The following DLG2 variants were observed in gnomAD, a reference collection of about 807,000 sequenced individuals.
The protein encoded by DLG2 is disks large homolog 2.
DLG2 carries 45 observed loss-of-function variants against 132.5 expected under a neutral mutation model. The ratio of observed to expected loss-of-function variants is 0.34; its 90% CI spans 0.27 to 0.44. The LOEUF (loss-of-function observed/expected upper bound fraction) is 0.44, where lower values mean the gene tolerates loss of function less well. Ranked by LOEUF, DLG2 falls within the 20% of genes least tolerant of loss-of-function variation. The probability of loss-of-function intolerance (pLI) is 1.00; values close to 1 mark genes in which losing one functional copy is unlikely to be tolerated. For missense variants in DLG2, 1,045 were observed against 1,196.9 expected, an observed-to-expected ratio of 0.87 and a Z score of 1.87; for synonymous variants, 424 against 419.6, an observed-to-expected ratio of 1.01 and a Z score of -0.13.
intron 3 of DLG2, among the ~76,000 whole-genome samples, chr11:85,288,750 T>G (rs866051324): frequency 2.0e-5 from 3 of 152,164 alleles, no homozygotes; most frequent in Non-Finnish European, 2.9e-5. Flanking sequence ...AATAACGACT[T>G]GTAATGAATA....
intron 9 of DLG2, among the ~76,000 whole-genome samples, chr11:84,101,734 A>AACTAGATGTACTAGACCAATAT (rs1466952416): frequency 1.3e-5 from 2 of 152,088 alleles, no homozygotes; most frequent in Non-Finnish European, 2.9e-5. Context: ...TAAGTACATC[A>AACTAGATGTACTAGACCAATAT]ACTAGAGTAT....
rs530367468 is a variant in DLG2, at chr11:83,588,860, C to T, written c.1940+44351G>A. On this transcript the variant is annotated intron_variant, in intron 19 of 27. Coordinates refer to ENST00000376104, the MANE Select transcript of DLG2 (RefSeq NM_001142699.3). ...TGAAGAATGCAGAAGCGTCAGGAGCCGATGCGATCAACTGGAAGAAAGGGT... is the reference window on the plus strand; with the variant it reads ...TGAAGAATGCAGAAGCGTCAGGAGCTGATGCGATCAACTGGAAGAAAGGGT... Among the ~76,000 whole-genome samples the T allele has an allele frequency of 1.2e-4, 18 of 151,968 alleles. No homozygotes were observed. In the East Asian group the frequency reaches 2.5e-3, roughly 21 times the overall value.
intron 6 of DLG2, among the ~76,000 whole-genome samples, chr11:84,986,391 A>G (rs1197756119): frequency 6.6e-6 from 1 of 152,206 alleles, no homozygotes; most frequent in African/African-American, 2.4e-5. Flanking sequence ...TATTGACACT[A>G]TTCCACAAGA....
At chr11:85,362,598 C>T (rs1242337845) in intron 3 of DLG2, among the ~76,000 whole-genome samples, 2 of 149,932 alleles carry the variant, frequency 1.3e-5, no homozygotes, top group Non-Finnish European at 3.0e-5. Context: ...ATTTGGATGC[C>T]TTTTTTTTTA....
chr11:83,792,698 G>T (rs994956986), intron 17 of DLG2, among the ~76,000 whole-genome samples: 2 of 152,004 alleles, frequency 1.3e-5, no homozygotes, highest in African/African-American at 4.8e-5. Context: ...TAATAGCTAT[G>T]AGTGTTCTAT....
At chr11:83,735,302 TA>T (rs2091748812) in intron 18 of DLG2, among the ~76,000 whole-genome samples, 1 of 152,170 alleles carries the variant, frequency 6.6e-6, no homozygotes. Context: ...AGTGTTTTAG[TA>T]AAATTGATTA....
At chr11:84,221,725 G>T (rs2096918813) in intron 8 of DLG2, among the ~76,000 whole-genome samples, 1 of 151,970 alleles carries the variant, frequency 6.6e-6, no homozygotes, top group Non-Finnish European at 1.5e-5. Flanking sequence ...TGGGAGTTGG[G>T]GTTAGCATTA....
chr11:84,452,559 T>G (rs1204956358), intron 7 of DLG2, among the ~76,000 whole-genome samples: 1 of 151,762 alleles, frequency 6.6e-6, no homozygotes, highest in African/African-American at 2.4e-5. Flanking sequence ...CTAATTAATA[T>G]GAAAATTTTT....
chr11:84,155,850 T>C (rs1361810017), intron 9 of DLG2, among the ~76,000 whole-genome samples: 1 of 152,088 alleles, frequency 6.6e-6, no homozygotes, highest in African/African-American at 2.4e-5. Context: ...TTAAATAATA[T>C]ACCAAGGAGT....
chr11:84,172,055 C>A (rs569796142), intron 8 of DLG2, among the ~76,000 whole-genome samples: 2 of 152,244 alleles, frequency 1.3e-5, no homozygotes, highest in African/African-American at 4.8e-5. Context: ...TCTGTACTTA[C>A]AAGCTGTTAG....
At chr11:83,783,833 C>T (rs920988740) in intron 18 of DLG2, among the ~76,000 whole-genome samples, 10 of 152,100 alleles carry the variant, frequency 6.6e-5, no homozygotes, top group African/African-American at 2.4e-4. Context: ...CAGGCTTATC[C>T]TTTCTCTGAC....
At chr11:85,271,617 C>T (rs2077536033) in intron 4 of DLG2, among the ~76,000 whole-genome samples, 1 of 152,206 alleles carries the variant, frequency 6.6e-6, no homozygotes, top group South Asian at 2.1e-4. Flanking sequence ...GGCTGAGCTG[C>T]CCAAAACCAT....
At chr11:83,865,347 C>T (rs1036221409) in intron 16 of DLG2, among the ~76,000 whole-genome samples, 1 of 152,024 alleles carries the variant, frequency 6.6e-6, no homozygotes, top group African/African-American at 2.4e-5. Context: ...TCTTACCCAA[C>T]CACCTTACAA....
At chr11:85,616,136 C>T (rs2081323191) in intron 2 of DLG2, among the ~76,000 whole-genome samples, 2 of 152,150 alleles carry the variant, frequency 1.3e-5, no homozygotes, top group Admixed American at 1.3e-4. Flanking sequence ...CTGGGCTCTC[C>T]TCTACTGCAC....
At chr11:84,340,395 C>T (rs1385515097) in intron 7 of DLG2, among the ~76,000 whole-genome samples, 2 of 152,120 alleles carry the variant, frequency 1.3e-5, no homozygotes, top group African/African-American at 2.4e-5. Flanking sequence ...GGTGATGCAA[C>T]ATCTTAGTAG....
intron 7 of DLG2, among the ~76,000 whole-genome samples, chr11:84,265,388 A>G (rs1276841894): frequency 6.6e-6 from 1 of 152,172 alleles, no homozygotes; most frequent in African/African-American, 2.4e-5. Flanking sequence ...CATTGGATGA[A>G]ACTTAGGCTC....
intron 7 of DLG2, among the ~76,000 whole-genome samples, chr11:84,505,141 T>C (rs530433913): frequency 6.6e-6 from 1 of 152,254 alleles, no homozygotes; most frequent in South Asian, 2.1e-4. Context: ...ATAGTAGTAT[T>C]AAAATGTATC....
intron 7 of DLG2, among the ~76,000 whole-genome samples, chr11:84,416,125 C>A (rs537011438): frequency 6.6e-6 from 1 of 152,164 alleles, no homozygotes; most frequent in Non-Finnish European, 1.5e-5. Flanking sequence ...TGTGCTCCAG[C>A]CTTGATACCA....
chr11:84,277,047 C>T (rs999694777), intron 7 of DLG2, among the ~76,000 whole-genome samples: 3 of 152,084 alleles, frequency 2.0e-5, no homozygotes, highest in Non-Finnish European at 4.4e-5. Flanking sequence ...CCAGTTGTGG[C>T]CAATGGACTT....
Sources: allele counts gnomAD v4.1 joint callset (sites outside exome capture counted in the v4.1 genomes callset), GRCh38; gene constraint gnomAD v4.1.1; transcripts MANE v1.5; gene names NCBI Gene and HGNC (gene_info 2026-07-23, HGNC 2026-07-21).